Variants in RAP1A observed in about 807,000 individuals in gnomAD.
RAP1A encodes RAP1A, member of RAS oncogene family, also known as ras-related protein Rap-1A.
RAP1A carries 6 observed loss-of-function variants against 26.4 expected under a neutral mutation model. The observed-to-expected ratio is 0.23, with a 90% CI of 0.12 to 0.45. The LOEUF (loss-of-function observed/expected upper bound fraction) is 0.45, where lower values mean the gene tolerates loss of function less well. Among genes scored for constraint, RAP1A ranks in the 20% least tolerant of loss-of-function variants. The probability of loss-of-function intolerance (pLI) is 0.99; values close to 1 mark genes in which losing one functional copy is unlikely to be tolerated. For synonymous variants in RAP1A, 73 were observed against 79.4 expected (o/e 0.92, Z 0.43); for missense variants, 121 against 217.2 (o/e 0.56, Z 2.78).
At chr1:111,573,895 A>T (rs369220135) in intron 1 of RAP1A, among the ~76,000 whole-genome samples, 1 of 152,002 alleles carries the variant, frequency 6.6e-6, no homozygotes, top group Non-Finnish European at 1.5e-5. Flanking sequence ...ATTTTCTCCC[A>T]TTCTATACTT....
chr1:111,680,277 C>T (rs541644064), intron 1 of RAP1A, among the ~76,000 whole-genome samples: 5 of 152,314 alleles, frequency 3.3e-5, no homozygotes, highest in South Asian at 2.1e-4. Context: ...GTGTCCACAT[C>T]GTGGAAGGGG....
chr1:111,669,048 A>AG (rs1660893291), intron 1 of RAP1A, among the ~76,000 whole-genome samples: 1 of 148,848 alleles, frequency 6.7e-6, no homozygotes. Flanking sequence ...AAAAAAAAAA[A>AG]GAAAGAAAAG....
chr1:111,641,052 A>C (rs1242078221), intron 1 of RAP1A, among the ~76,000 whole-genome samples: 1 of 152,258 alleles, frequency 6.6e-6, no homozygotes, highest in Non-Finnish European at 1.5e-5. Context: ...TCAAGAAAAG[A>C]ATGCAAATGA....
intron 3 of RAP1A, 51 bp from the exon 4 acceptor site, chr1:111,697,390 A>T (rs1421913092): frequency 1.2e-6 from 2 of 1,607,030 alleles, no homozygotes; most frequent in African/African-American, 2.7e-5. Context: ...AGAAAACAGA[A>T]TGAGATTTTG....
chr1:111,643,527 T>G (rs532888584), intron 1 of RAP1A, among the ~76,000 whole-genome samples: 1 of 152,368 alleles, frequency 6.6e-6, no homozygotes, highest in South Asian at 2.1e-4. Context: ...AGTGAAACTT[T>G]GTGAACTCTC....
chr1:111,667,984 G>T (rs916404169), intron 1 of RAP1A, among the ~76,000 whole-genome samples: 1 of 152,178 alleles, frequency 6.6e-6, no homozygotes, highest in Admixed American at 6.6e-5. Flanking sequence ...ACTCCACCGA[G>T]TGTCTGTGCA....
chr1:111,620,688 T>G lies in RAP1A; in HGVS notation c.-28+754T>G, dbSNP rs369926312. 7.4e-4 allele frequency among the ~76,000 whole-genome samples: 113 copies of G among 152,358 alleles called. No homozygotes were observed. In the South Asian group the frequency reaches 0.022, roughly 30 times the overall value. On this transcript the variant is annotated intron_variant, in intron 1 of 7. Transcript: ENST00000369709. ...CCGTAGCTTACCATGTGTTCGCCTT[T>G]TCAGTGTTACTTTTCATGGGTCTCT...
chr1:111,639,831 T>G (rs1353806119), intron 1 of RAP1A, among the ~76,000 whole-genome samples: 2 of 152,170 alleles, frequency 1.3e-5, no homozygotes, highest in Non-Finnish European at 2.9e-5. Flanking sequence ...TTACCTTGCT[T>G]TGGATTGTGG....
intron 4 of RAP1A, among the ~76,000 whole-genome samples, chr1:111,698,963 A>G (rs1227150490): frequency 1.3e-5 from 2 of 150,802 alleles, no homozygotes; most frequent in African/African-American, 2.4e-5. Context: ...TTTAAATCAC[A>G]TCCACAGTGT....
rs562001093 is a variant in RAP1A, at chr1:111,560,923, TAACAACCGC to T, written c.-28+18416_-28+18424del. ...GTAGCCCAATTTGCTCTTCCTCCTG[TAACAACCGC>T]ACCAGATCTCTGGCTGGTCCAGAAG... On this transcript the variant is annotated intron_variant, in intron 1 of 7. Transcript: ENST00000356415. 1.1e-4 allele frequency among the ~76,000 whole-genome samples: 17 copies of T among 152,318 alleles called. No individual in the cohort carries two copies. The East Asian group carries it at 3.3e-3, about 29-fold the overall frequency.
At chr1:111,672,429 G>A (rs112031766) in intron 1 of RAP1A, among the ~76,000 whole-genome samples, 1 of 152,304 alleles carries the variant, frequency 6.6e-6, no homozygotes, top group African/African-American at 2.4e-5. Context: ...TTAGGGAGTA[G>A]CTCAGCTGGG....
intron 1 of RAP1A, among the ~76,000 whole-genome samples, chr1:111,678,752 G>A (rs934570819): frequency 6.8e-6 from 1 of 146,872 alleles, no homozygotes; most frequent in African/African-American, 2.7e-5. Context: ...GCACATGACT[G>A]TTCAGGTGGG....
At chr1:111,657,748 A>T (rs1660507955) in intron 1 of RAP1A, among the ~76,000 whole-genome samples, 2 of 152,218 alleles carry the variant, frequency 1.3e-5, no homozygotes, top group Non-Finnish European at 2.9e-5. Flanking sequence ...CATTTTCAAA[A>T]ATCATTTGAC....
intron 1 of RAP1A, among the ~76,000 whole-genome samples, chr1:111,545,078 G>A (rs1656984093): frequency 6.7e-6 from 1 of 149,104 alleles, no homozygotes; most frequent in South Asian, 2.1e-4. Flanking sequence ...ATCCAATTTG[G>A]TACATACCCA....
intron 1 of RAP1A, among the ~76,000 whole-genome samples, chr1:111,577,276 C>T (rs1658165271): frequency 6.6e-6 from 1 of 151,752 alleles, no homozygotes; most frequent in Admixed American, 6.6e-5. Flanking sequence ...GTGGCATGCG[C>T]CTGTAATCCC....
At chr1:111,591,146 C>T (rs1658464540) in intron 1 of RAP1A, among the ~76,000 whole-genome samples, 1 of 152,064 alleles carries the variant, frequency 6.6e-6, no homozygotes, top group African/African-American at 2.4e-5. Flanking sequence ...AGGGAACTGG[C>T]CATTTCACAT....
intron 1 of RAP1A, among the ~76,000 whole-genome samples, chr1:111,622,305 C>G (rs142298634): frequency 1.4e-3 from 211 of 152,348 alleles, no homozygotes; most frequent in African/African-American, 4.8e-3. Context: ...CCATGGCCTA[C>G]AAGCCTTACA....
intron 1 of RAP1A, among the ~76,000 whole-genome samples, chr1:111,564,155 A>T (rs576065802): frequency 1.3e-5 from 2 of 152,286 alleles, no homozygotes; most frequent in South Asian, 4.2e-4. Flanking sequence ...AATCAATGAA[A>T]ATCTGGTCAT....
At position 111,698,994 on chromosome 1, in the gene RAP1A, G is replaced by T. The variant is rs72697824; in HGVS notation, c.183+1497G>T. Among the ~76,000 whole-genome samples the T allele has an allele frequency of 7.0e-3, 1,031 of 148,132 alleles. 6 individuals carry two copies. The highest frequency in any genetic ancestry group is 0.012 in the Non-Finnish European group (809 of 67,168). ...AGTGTACGGGCATTCTTCTTTCTCT[G>T]TCCAGATTGTAAGAAGGAAGTTCTC... On this transcript the variant is annotated intron_variant, in intron 4 of 7. Transcript: ENST00000369709.
Sources: allele counts gnomAD v4.1 joint callset (sites outside exome capture counted in the v4.1 genomes callset), GRCh38; gene constraint gnomAD v4.1.1; transcripts MANE v1.5; gene names NCBI Gene and HGNC (gene_info 2026-07-23, HGNC 2026-07-21).